Variants in RAD17 observed in about 807,000 individuals in gnomAD.
The protein encoded by RAD17 is cell cycle checkpoint protein RAD17.
Under a neutral mutation model 81.5 loss-of-function variants are expected in RAD17, and 31 were observed. The observed-to-expected ratio is 0.38, with a 90% confidence interval of 0.29 to 0.51. RAD17 has a LOEUF of 0.51. Ranked by LOEUF, RAD17 falls within the 20% of genes least tolerant of loss-of-function variation. The pLI, the probability that RAD17 is intolerant of heterozygous loss-of-function variation, is 0.88. For missense variants in RAD17, 681 were observed against 781.2 expected (o/e 0.87, Z 1.53); for synonymous variants, 261 against 266.2 (o/e 0.98, Z 0.19).
At chr5:69,383,071 A>G (rs1432911381) in intron 7 of RAD17, among the ~76,000 whole-genome samples, 1 of 152,160 alleles carries the variant, frequency 6.6e-6, no homozygotes, top group African/African-American at 2.4e-5. Context: ...GGCGTGAGCT[A>G]CCATGCGTGG....
chr5:69,372,165 G>A lies in RAD17; in HGVS notation c.-44G>A. ...TACTCTCAAAAATATAGAGGAAAGG[G>A]GCCAAGATTATAGTACCAGTCACAA... On this transcript the variant is annotated 5_prime_UTR_variant, in exon 4 of 19. Transcript: ENST00000354868. 6.3e-7 allele frequency: 1 copy of A among 1,598,186 alleles called. No homozygotes were observed. The highest frequency in any genetic ancestry group is 8.5e-7 in the Non-Finnish European group (1 of 1,169,892).
intron 16 of RAD17, among the ~76,000 whole-genome samples, chr5:69,397,839 C>G (rs1048418917): frequency 6.6e-6 from 1 of 151,990 alleles, no homozygotes; most frequent in East Asian, 1.9e-4. Context: ...AAATCATGGC[C>G]GGGCATGGTG....
Position 69,396,519 on chromosome 5 carries a change from A to C in RAD17, c.1545A>C (p.Lys515Asn), listed in dbSNP as rs1038714742. The C allele has an allele frequency of 6.3e-7, 1 of 1,592,530 alleles. No homozygotes were observed. The highest frequency in any genetic ancestry group is 8.5e-7 in the Non-Finnish European group (1 of 1,172,938). The change falls in exon 16 of 19, where the codon AAA becomes AAC. Residue 515 changes from lysine (K) to asparagine (N), a missense_variant. By Grantham distance (94) the Lys-to-Asn change is moderately conservative (BLOSUM62 0). Transcript: ENST00000354868. ...GGGSSFRPLH[K>N]PQWFLINKKY... Reference sequence around the variant, plus strand: ...GATCAAGTTTTCGACCCTTGCACAAACCTCAGTGGTTTCTAATAAATAAAA... The same window carrying C: ...GATCAAGTTTTCGACCCTTGCACAACCCTCAGTGGTTTCTAATAAATAAAA...
chr5:69,409,206 C>G (rs1195387173), intron 17 of RAD17, among the ~76,000 whole-genome samples: 1 of 152,114 alleles, frequency 6.6e-6, no homozygotes, highest in Non-Finnish European at 1.5e-5. Flanking sequence ...ATTATTTTGG[C>G]TTGCCTCTCC....
chr5:69,383,871 A>T (rs942771073), intron 7 of RAD17, among the ~76,000 whole-genome samples: 1 of 152,158 alleles, frequency 6.6e-6, no homozygotes, highest in Non-Finnish European at 1.5e-5. Flanking sequence ...GCTTTAACTT[A>T]AACAGTCTTC....
chr5:69,396,092 A>G (rs1158923692), intron 15 of RAD17, among the ~76,000 whole-genome samples: 1 of 152,202 alleles, frequency 6.6e-6, no homozygotes, highest in Non-Finnish European at 1.5e-5. Flanking sequence ...GAGAAACTTC[A>G]CACTAATCTA....
chr5:69,382,033 G>A lies in RAD17; in HGVS notation c.484G>A (p.Asp162Asn). ...AGTTTTACCAGACTTCCAAAAAGAT[G>A]ATTTCAAGGGGATGTTTAATACTGG... The part of the protein sequence containing the change: ...NPVLPDFQKD[D>N]FKGMFNTESS... Residue 162 changes from aspartate (D) to asparagine (N), a missense_variant, in exon 7 of 19, where the codon GAT becomes AAT. Transcript: ENST00000354868. 6.2e-7 allele frequency: 1 copy of A among 1,612,534 alleles called. No homozygotes were observed. Among genetic ancestry groups the A allele is most frequent in the Non-Finnish European group, 8.5e-7 (1 of 1,178,926 alleles).
intron 18 of RAD17, among the ~76,000 whole-genome samples, chr5:69,411,545 T>A (rs1168402): frequency 0.48 from 72,447 of 152,006 alleles, 17,413 homozygotes; most frequent in South Asian, 0.53. Context: ...ATGTGAGCTT[T>A]TTCCCCCTCT....
chr5:69,384,778 G>T lies in RAD17; in HGVS notation c.509-19G>T, dbSNP rs1409372988. 3 of 1,590,432 alleles carry T rather than the reference G, an allele frequency of 1.9e-6. No homozygotes were observed. Among genetic ancestry groups the T allele is most frequent in the African/African-American group, 2.7e-5 (2 of 73,682 alleles). On this transcript the variant is annotated intron_variant, in intron 7 of 18. Transcript: ENST00000354868. ...ATATCATTTGTTGAAAATAAAAGTG[G>T]TTATGTGTTTCCTTTCAGAATCAAG...
chr5:69,381,413 G>A (rs1317558876), intron 6 of RAD17, among the ~76,000 whole-genome samples: 10 of 151,960 alleles, frequency 6.6e-5, no homozygotes, highest in East Asian at 1.9e-4. Context: ...CCCGGGAGGC[G>A]GAGCTTGCAG....
chr5:69,380,961 G>A (rs1487077391), intron 6 of RAD17, among the ~76,000 whole-genome samples: 1 of 151,614 alleles, frequency 6.6e-6, no homozygotes, highest in Admixed American at 6.6e-5. Flanking sequence ...TAGAGACAGG[G>A]TTTTGCCATG....
At chr5:69,380,639 C>T (rs972233823) in intron 6 of RAD17, among the ~76,000 whole-genome samples, 8 of 151,548 alleles carry the variant, frequency 5.3e-5, no homozygotes, top group African/African-American at 1.9e-4. Context: ...TGTAGGAAAT[C>T]TTTTGATATT....
intron 17 of RAD17, among the ~76,000 whole-genome samples, chr5:69,400,650 C>T (rs867817487): frequency 6.7e-6 from 1 of 149,792 alleles, no homozygotes; most frequent in Non-Finnish European, 1.5e-5. Context: ...ACGCATCAAA[C>T]AGGCCAGGTG....
At chr5:69,379,795 A>G (rs1763732062) in intron 6 of RAD17, among the ~76,000 whole-genome samples, 1 of 152,076 alleles carries the variant, frequency 6.6e-6, no homozygotes, top group Non-Finnish European at 1.5e-5. Context: ...AGGCAACAAC[A>G]CGTAAGGAGC....
At chr5:69,410,682 T>C in intron 18 of RAD17, 132 bp downstream of exon 18, 1 of 809,536 alleles carries the variant, frequency 1.2e-6, no homozygotes, top group Non-Finnish European at 2.0e-6. Context: ...TAAACATAAT[T>C]GTATTGTAGA....
intron 6 of RAD17, 35 bp downstream of exon 6, chr5:69,374,746 C>A (rs978005219): frequency 1.2e-5 from 17 of 1,466,818 alleles, no homozygotes; most frequent in African/African-American, 2.8e-5. Context: ...TATTTAACAT[C>A]AAATATTTTT....
chr5:69,377,463 A>C (rs1233470655), intron 6 of RAD17, among the ~76,000 whole-genome samples: 1 of 5,936 alleles, frequency 1.7e-4, no homozygotes. Flanking sequence ...ATATATATAT[A>C]TATATATATA....
At chr5:69,388,996 G>GA (rs1764380885) in intron 11 of RAD17, 38 bp from the exon 12 acceptor site, 1 of 1,116,748 alleles carries the variant, frequency 9.0e-7, no homozygotes, top group Non-Finnish European at 1.2e-6. Flanking sequence ...TTATTTTTAA[G>GA]AAAATACTTT....
At chr5:69,404,637 T>C (rs1362928198) in intron 17 of RAD17, among the ~76,000 whole-genome samples, 2 of 151,454 alleles carry the variant, frequency 1.3e-5, no homozygotes, top group East Asian at 2.0e-4. Flanking sequence ...GGTGCAGTGG[T>C]GGGCGCCTGT....
Sources: allele counts gnomAD v4.1 joint callset (sites outside exome capture counted in the v4.1 genomes callset), GRCh38; gene constraint gnomAD v4.1.1; transcripts MANE v1.5; gene names NCBI Gene and HGNC (gene_info 2026-07-23, HGNC 2026-07-21).